The following AK9 variants were observed in gnomAD, a reference collection of about 807,000 sequenced individuals.
AK9 encodes the protein adenylate kinase domain containing 1.
AK9 carries 191 observed loss-of-function variants against 239.6 expected under a neutral mutation model. The observed-to-expected ratio is 0.80, with a 90% CI of 0.71 to 0.90. The LOEUF is 0.90. Among genes scored for constraint, AK9 ranks in the 40% least tolerant of loss-of-function variants. The pLI is 0.00. For missense variants in AK9, 1,995 were observed against 2,214.7 expected (o/e 0.90, Z 1.99); for synonymous variants, 689 against 721.0 (o/e 0.96, Z 0.71).
At chr6:109,631,369 A>C (rs1796073373) in intron 12 of AK9, among the ~76,000 whole-genome samples, 1 of 152,222 alleles carries the variant, frequency 6.6e-6, no homozygotes, top group South Asian at 2.1e-4. Context: ...AAAATGGGCA[A>C]AACACTTGAG....
chr6:109,646,159 A>C (rs932641936), intron 8 of AK9, among the ~76,000 whole-genome samples: 1 of 152,230 alleles, frequency 6.6e-6, no homozygotes, highest in African/African-American at 2.4e-5. Flanking sequence ...AACAGCTGAA[A>C]ATTCTAAAAA....
At chr6:109,590,746 T>C (rs983182361) in intron 17 of AK9, among the ~76,000 whole-genome samples, 2 of 152,180 alleles carry the variant, frequency 1.3e-5, no homozygotes, top group African/African-American at 4.8e-5. Context: ...TTCAAAACTT[T>C]AAAAAATTTC....
intron 39 of AK9, 26 bp downstream of exon 39, chr6:109,495,308 CATAT>C: frequency 6.6e-7 from 1 of 1,516,592 alleles, no homozygotes; most frequent in South Asian, 1.2e-5. Context: ...ATTCTTCTAA[CATAT>C]ATAACAGAAA....
chr6:109,615,628 T>C (rs1463387165), intron 13 of AK9, among the ~76,000 whole-genome samples: 1 of 152,298 alleles, frequency 6.6e-6, no homozygotes, highest in South Asian at 2.1e-4. Flanking sequence ...TTGTTTTTTG[T>C]AATCTCTTGG....
chr6:109,571,560 A>AG (rs920653206), intron 21 of AK9, among the ~76,000 whole-genome samples: 4 of 152,182 alleles, frequency 2.6e-5, no homozygotes, highest in African/African-American at 9.6e-5. Context: ...TTTTGTTGTC[A>AG]GATCAATGAT....
chr6:109,588,894 G>A (rs1789867481), intron 17 of AK9, among the ~76,000 whole-genome samples: 1 of 152,132 alleles, frequency 6.6e-6, no homozygotes, highest in South Asian at 2.1e-4. Context: ...TAGGTATGTG[G>A]CTTTAGTTCT....
chr6:109,521,932 T>C (rs1779912517), intron 29 of AK9, among the ~76,000 whole-genome samples: 1 of 152,080 alleles, frequency 6.6e-6, no homozygotes, highest in Non-Finnish European at 1.5e-5. Context: ...AGCAGTGTTA[T>C]TCACCATATC....
At chr6:109,627,226 GGAA>G (rs1795645755) in intron 12 of AK9, among the ~76,000 whole-genome samples, 2 of 139,252 alleles carry the variant, frequency 1.4e-5, no homozygotes, top group African/African-American at 5.3e-5. Context: ...TTGTCCCACT[GGAA>G]GGTCTTCAGG....
At chr6:109,653,351 T>C (rs1381952465) in intron 8 of AK9, among the ~76,000 whole-genome samples, 4 of 152,338 alleles carry the variant, frequency 2.6e-5, no homozygotes, top group South Asian at 4.1e-4. Flanking sequence ...ACTGGCTATC[T>C]TAGCTTTTAA....
In AK9 at chr6:109,652,339, C is replaced by CA. The variant is rs1262951144; in HGVS notation, c.759+4416dup. Among the ~76,000 whole-genome samples, 3 of 143,184 alleles carry CA rather than the reference C, an allele frequency of 2.1e-5. No homozygotes were observed. The Admixed American group carries it at 2.1e-4, about 10-fold the overall frequency. 93.9% of individuals were successfully genotyped at this position (143,184 alleles called of 152,430 possible). ...TCTCAATAGATGCAGAAAAGGCCTT[C>CA]AAAAAAATTCAACAGCCTTCATGCT... On this transcript the variant is annotated intron_variant, in intron 8 of 40. Transcript: ENST00000424296.
intron 10 of AK9, among the ~76,000 whole-genome samples, chr6:109,638,633 T>C (rs761375008): frequency 6.6e-6 from 1 of 152,100 alleles, no homozygotes; most frequent in Non-Finnish European, 1.5e-5. Context: ...GCATGTGCTA[T>C]CACGTCTGGT....
At chr6:109,614,618 C>T in intron 13 of AK9, 138 bp from the exon 14 acceptor site, 1 of 670,266 alleles carries the variant, frequency 1.5e-6, no homozygotes, top group Non-Finnish European at 2.6e-6. Context: ...GGCTGTGTGA[C>T]TTTGGTAAAT....
intron 24 of AK9, among the ~76,000 whole-genome samples, chr6:109,559,677 T>C (rs1785495540): frequency 1.3e-5 from 2 of 152,256 alleles, no homozygotes; most frequent in Admixed American, 1.3e-4. Context: ...ATACTGATTT[T>C]ATGTCCTGAA....
intron 26 of AK9, among the ~76,000 whole-genome samples, chr6:109,542,999 T>C (rs759891009): frequency 1.4e-4 from 21 of 152,212 alleles, no homozygotes; most frequent in Non-Finnish European, 2.1e-4. Context: ...TTGTTATTTA[T>C]ATTATAATTT....
chr6:109,515,633 G>C (rs114507484), intron 31 of AK9, among the ~76,000 whole-genome samples: 3,165 of 152,216 alleles, frequency 0.021, 100 homozygotes, highest in African/African-American at 0.073. Flanking sequence ...AGAAACTCAG[G>C]GGGAGGTAGG....
intron 8 of AK9, 94 bp from the exon 9 acceptor site, chr6:109,644,782 A>G: frequency 9.4e-7 from 1 of 1,068,798 alleles, no homozygotes; most frequent in Non-Finnish European, 1.3e-6. Context: ...GATATATTTA[A>G]AGTAAATTGT....
At position 109,570,827 on chromosome 6, in the gene AK9, A is replaced by G. The variant is rs77169817; in HGVS notation, c.2344+2615T>C. Reference sequence around the variant, plus strand: ...GCTAGACAAAGATTGTGATATGAAGACAAGAAGAGCTCAATGAATTCCCGG... The same window carrying G: ...GCTAGACAAAGATTGTGATATGAAGGCAAGAAGAGCTCAATGAATTCCCGG... On this transcript the variant is annotated intron_variant, in intron 21 of 40. Coordinates refer to ENST00000424296, the MANE Select transcript of AK9 (RefSeq NM_001145128.3). Among the ~76,000 whole-genome samples the G allele has an allele frequency of 4.6e-3, 701 of 152,308 alleles. 2 individuals carry two copies. The highest frequency in any genetic ancestry group is 0.011 in the South Asian group (54 of 4,828).
At chr6:109,589,730 T>G (rs1005771641) in intron 17 of AK9, among the ~76,000 whole-genome samples, 1 of 152,156 alleles carries the variant, frequency 6.6e-6, no homozygotes, top group African/African-American at 2.4e-5. Context: ...TATTTTGAGG[T>G]ATGTTCCTTC....
At chr6:109,510,461 C>T (rs1778613913) in intron 32 of AK9, among the ~76,000 whole-genome samples, 1 of 152,072 alleles carries the variant, frequency 6.6e-6, no homozygotes, top group African/African-American at 2.4e-5. Context: ...ACTACCCTCT[C>T]TGCTGAGAGC....
Sources: allele counts gnomAD v4.1 joint callset (sites outside exome capture counted in the v4.1 genomes callset), GRCh38; gene constraint gnomAD v4.1.1; transcripts MANE v1.5; gene names NCBI Gene and HGNC (gene_info 2026-07-23, HGNC 2026-07-21).